The following RPH3AL variants were observed in gnomAD, a reference collection of about 807,000 sequenced individuals.
RPH3AL encodes the protein rab effector Noc2.
A neutral mutation model predicts 43.1 loss-of-function variants in RPH3AL; 38 were observed. That is an observed-to-expected ratio of 0.88 (90% CI 0.68 to 1.15). RPH3AL has a LOEUF of 1.15. Among genes scored for constraint, RPH3AL ranks in the 50% most tolerant of loss-of-function variants. The pLI is 0.00. For missense variants in RPH3AL, 462 were observed against 423.2 expected (o/e 1.09, Z -0.81); for synonymous variants, 189 against 176.3 (o/e 1.07, Z -0.57).
rs1393208992 is a variant in RPH3AL at position 274,565 on chromosome 17, G to A, written c.438+7203C>T. On this transcript the variant is annotated intron_variant, in intron 6 of 9. Transcript: ENST00000331302. This position sits in a 1 kb window ranked among gnomAD's most constrained non-coding sequence, Gnocchi z 4.7. ...GCAAGGCTGCATCTGGGAGAGCAGG[G>A]AGAGCAGGAAGAGCGGAGGAGACAG... Among the ~76,000 whole-genome samples the A allele has an allele frequency of 6.6e-6, 1 of 152,248 alleles. No homozygotes were observed. The highest frequency in any genetic ancestry group is 1.5e-5 in the Non-Finnish European group (1 of 68,040).
At chr17:262,455 C>G (rs917031416) in intron 6 of RPH3AL, among the ~76,000 whole-genome samples, 2 of 152,114 alleles carry the variant, frequency 1.3e-5, no homozygotes, top group Non-Finnish European at 2.9e-5. Flanking sequence ...ACCTCGTGAT[C>G]CACCCGCCTC....
In RPH3AL at chr17:333,601, A is replaced by G; in HGVS notation, c.-37+158T>C. 1 of 244,738 alleles carries G rather than the reference A, an allele frequency of 4.1e-6. No individual in the cohort carries two copies. The highest frequency in any genetic ancestry group is 4.8e-5 in the Admixed American group (1 of 21,008). 15.2% of individuals were successfully genotyped at this position (244,738 alleles called of 1,614,324 possible). ...TATTCTGAATACAATACGTTTTACCATCTTCCTGTTTGGGAGCACATGGAT... is the reference window on the plus strand; with the variant it reads ...TATTCTGAATACAATACGTTTTACCGTCTTCCTGTTTGGGAGCACATGGAT... On this transcript the variant is annotated intron_variant, in intron 2 of 9. Coordinates refer to ENST00000331302, the MANE Select transcript of RPH3AL (RefSeq NM_006987.4). This position sits in a 1 kb window ranked among gnomAD's most constrained non-coding sequence, Gnocchi z 4.5.
chr17:315,478 CT>C (rs2043976269), intron 5 of RPH3AL, among the ~76,000 whole-genome samples: 48 of 150,892 alleles, frequency 3.2e-4, no homozygotes, highest in African/African-American at 1.0e-3. Context: ...GTGCTCCCAC[CT>C]CCATTGACCT....
intron 3 of RPH3AL, among the ~76,000 whole-genome samples, chr17:321,802 C>T (rs527516454): frequency 4.9e-4 from 74 of 152,252 alleles, no homozygotes; most frequent in Non-Finnish European, 2.1e-4. Context: ...CCCTGCCATC[C>T]GCCAGCTCCT....
At chr17:269,407 G>A (rs1567601172) in intron 6 of RPH3AL, among the ~76,000 whole-genome samples, 1 of 152,178 alleles carries the variant, frequency 6.6e-6, no homozygotes. Context: ...CCCCTTGCTG[G>A]AACGCAAGCT....
chr17:262,426 G>T (rs954984763), intron 6 of RPH3AL, among the ~76,000 whole-genome samples: 1 of 152,248 alleles, frequency 6.6e-6, no homozygotes, highest in Non-Finnish European at 1.5e-5. Flanking sequence ...ATGTTCGCCG[G>T]GCTGGTCTTG....
chr17:299,152 G>A (rs908977407), intron 5 of RPH3AL, among the ~76,000 whole-genome samples: 1 of 152,120 alleles, frequency 6.6e-6, no homozygotes, highest in Non-Finnish European at 1.5e-5. Context: ...AATGAGACTC[G>A]TCCACAGTCT....
In RPH3AL at chr17:240,237, C is replaced by CAAAA. The variant is rs56048443; in HGVS notation, c.613+6870_613+6873dup. The stretch of plus-strand genomic sequence containing the variant: ...GGGCAACAAGAGTGAAACTCCATCT[C>CAAAA]AAAAAAAAAAAAAAAGGTTTTTTTG... On this transcript the variant is annotated intron_variant, in intron 7 of 9. Transcript: ENST00000331302. 1.4e-4 allele frequency among the ~76,000 whole-genome samples: 19 copies of CAAAA among 140,212 alleles called. 1 individual carries two copies. The highest frequency in any genetic ancestry group is 9.3e-5 in the Non-Finnish European group (6 of 64,424). The allele number at this position is 140,212 out of a possible 152,430, so 92.0% of individuals were successfully genotyped here. A position where few individuals can be genotyped will look rare whatever the true frequency, so the allele number is the denominator to read the frequency against.
intron 2 of RPH3AL, chr17:331,307 G>T: frequency 3.4e-6 from 1 of 295,136 alleles, no homozygotes; most frequent in South Asian, 3.0e-5. Context: ...AAATGCTGCA[G>T]AGATCAAGGG....
chr17:221,985 T>G (rs374028530), intron 7 of RPH3AL, among the ~76,000 whole-genome samples: 1 of 69,956 alleles, frequency 1.4e-5, no homozygotes, highest in Admixed American at 1.4e-4. Context: ...CCCAAGCGCA[T>G]CAGCTCTGAG....
At chr17:240,875 C>A (rs1204053961) in intron 7 of RPH3AL, among the ~76,000 whole-genome samples, 1 of 151,916 alleles carries the variant, frequency 6.6e-6, no homozygotes, top group South Asian at 2.1e-4. Flanking sequence ...CTGGCCAACA[C>A]GGTGAACCCT....
rs577579433 is a variant in RPH3AL, at chr17:293,660, G to A, written c.352-11806C>T. 4.6e-5 allele frequency among the ~76,000 whole-genome samples: 7 copies of A among 152,318 alleles called. No homozygotes were observed. In the South Asian group the frequency reaches 1.5e-3, roughly 32 times the overall value. On this transcript the variant is annotated intron_variant, in intron 5 of 9. Transcript: ENST00000331302. ...GTGCAGCACCGGTGATGGGAGCACGGTGCACTCAACAGGAGCTTCGGCCAA... is the reference window on the plus strand; with the variant it reads ...GTGCAGCACCGGTGATGGGAGCACGATGCACTCAACAGGAGCTTCGGCCAA...
Position 321,294 on chromosome 17 carries a change from C to T in RPH3AL, c.199G>A (p.Val67Ile), listed in dbSNP as rs111397837. The T allele has an allele frequency of 2.5e-4, 399 of 1,609,350 alleles. 1 individual carries two copies. In the African/African-American group the frequency reaches 4.0e-3, roughly 16 times the overall value. ...QVIQRAERLD[V>I]LEQQRIGRLV... ...CACCCGATTCTCTGCTGCTCCAGGA[C>T]GTCGAGCCGCTCTGCCCTCTGGATG... Residue 67 changes from valine to isoleucine, a missense_variant, in exon 4 of 10, where the codon GTC (valine) becomes ATC (isoleucine). Transcript: ENST00000331302.
chr17:307,282 C>T (rs1447608849), intron 5 of RPH3AL, among the ~76,000 whole-genome samples: 16 of 108,728 alleles, frequency 1.5e-4, no homozygotes, highest in African/African-American at 6.2e-4. Flanking sequence ...AGGTCCATCC[C>T]GCGGCAGGTC....
In RPH3AL at chr17:328,029, C is replaced by T. The variant is rs1207895686; in HGVS notation, c.-36-450G>A. Among the ~76,000 whole-genome samples, 1 of 151,850 alleles carries T rather than the reference C, an allele frequency of 6.6e-6. No individual in the cohort carries two copies. Among genetic ancestry groups the T allele is most frequent in the East Asian group, 1.9e-4 (1 of 5,176 alleles). On this transcript the variant is annotated intron_variant, in intron 2 of 9. Coordinates refer to ENST00000331302, the MANE Select transcript of RPH3AL (RefSeq NM_006987.4). This position sits in a 1 kb window ranked among gnomAD's most constrained non-coding sequence, Gnocchi z 4.2. Reference sequence around the variant, plus strand: ...TGGGAAACCCTACTCCTTTCCCAAACCTGGGGACCTGGCTCTCCTTCCCAA... The same window carrying T: ...TGGGAAACCCTACTCCTTTCCCAAATCTGGGGACCTGGCTCTCCTTCCCAA...
intron 5 of RPH3AL, among the ~76,000 whole-genome samples, chr17:311,506 C>G (rs1272575965): frequency 1.3e-5 from 2 of 152,178 alleles, no homozygotes; most frequent in Non-Finnish European, 1.5e-5. Flanking sequence ...GAACCCCAGT[C>G]CCAACCACAG....
intron 6 of RPH3AL, chr17:262,019 C>T (rs1418167211): frequency 4.6e-5 from 7 of 152,136 alleles, no homozygotes; most frequent in Admixed American, 1.3e-4. Flanking sequence ...TCAATAAAAA[C>T]TCCAGGAAAA....
At chr17:253,709 C>G (rs11653399) in intron 6 of RPH3AL, among the ~76,000 whole-genome samples, 13 of 89,282 alleles carry the variant, frequency 1.5e-4, no homozygotes, top group African/African-American at 6.8e-4. Flanking sequence ...TGAGGGGAGC[C>G]GCACGGCGTC....
intron 5 of RPH3AL, among the ~76,000 whole-genome samples, chr17:315,844 T>A (rs1251975387): frequency 6.8e-6 from 1 of 147,092 alleles, no homozygotes; most frequent in South Asian, 2.3e-4. Context: ...TGCCCCCACC[T>A]CCATTGACCT....
Sources: gnomAD v4.1 joint callset for allele counts (sites outside exome capture counted in the v4.1 genomes callset) on GRCh38, gnomAD v4.1.1 for gene constraint, Gnocchi (gnomAD v3.1) non-coding constraint, MANE v1.5 for transcripts, NCBI Gene and HGNC (gene_info 2026-07-23, HGNC 2026-07-21) for gene names.